The following ELL variants were observed in gnomAD, a reference collection of about 807,000 sequenced individuals.
ELL encodes the protein RNA polymerase II elongation factor ELL.
A neutral mutation model predicts 64.0 loss-of-function variants in ELL; 18 were observed. That is an observed-to-expected ratio of 0.28 (90% confidence interval 0.19 to 0.42). The LOEUF (loss-of-function observed/expected upper bound fraction) is 0.42. ELL is among the 10% of genes least tolerant of loss of function. The pLI, the probability that ELL is intolerant of heterozygous loss-of-function variation, is 1.00. For synonymous variants in ELL, 399 were observed against 376.2 expected, an observed-to-expected ratio of 1.06 and a Z score of -0.70; for missense variants, 797 against 870.4, an observed-to-expected ratio of 0.92 and a Z score of 1.06.
At chr19:18,503,494 A>T (rs1173160262) in intron 1 of ELL, among the ~76,000 whole-genome samples, 1 of 152,182 alleles carries the variant, frequency 6.6e-6, no homozygotes, top group Non-Finnish European at 1.5e-5. Flanking sequence ...TGGAACAGAC[A>T]GAACAGGCTA....
intron 2 of ELL, among the ~76,000 whole-genome samples, chr19:18,466,638 C>G (rs1167707388): frequency 6.6e-6 from 1 of 152,230 alleles, no homozygotes; most frequent in Non-Finnish European, 1.5e-5. Flanking sequence ...TGGTCCCGGC[C>G]AGGCTCAGTG....
intron 1 of ELL, among the ~76,000 whole-genome samples, chr19:18,503,586 C>G (rs1975824748): frequency 6.6e-6 from 1 of 152,198 alleles, no homozygotes; most frequent in Non-Finnish European, 1.5e-5. Context: ...GATGTGGCCC[C>G]AGACACCCAG....
intron 9 of ELL, 77 bp downstream of exon 9, chr19:18,446,671 T>C (rs1370134310): frequency 1.3e-6 from 2 of 1,571,964 alleles, no homozygotes; most frequent in East Asian, 2.3e-5. Context: ...CTACCTCTGA[T>C]AACCTGCAGT....
intron 11 of ELL, 147 bp downstream of exon 11, chr19:18,445,077 G>A (rs1204546690): frequency 2.5e-6 from 3 of 1,210,942 alleles, no homozygotes; most frequent in Non-Finnish European, 2.4e-6. Flanking sequence ...ACTTAGCTGG[G>A]GGTGGTGGGG....
At chr19:18,485,542 G>C (rs528240466) in intron 1 of ELL, among the ~76,000 whole-genome samples, 2 of 152,248 alleles carry the variant, frequency 1.3e-5, no homozygotes, top group South Asian at 4.1e-4. Context: ...GGAGACCAGG[G>C]AGACCAGGGA....
intron 1 of ELL, among the ~76,000 whole-genome samples, chr19:18,514,827 G>A (rs996470601): frequency 6.6e-6 from 1 of 152,200 alleles, no homozygotes; most frequent in African/African-American, 2.4e-5. Flanking sequence ...GCCCTGCCAG[G>A]TGCCTTAAAC....
intron 1 of ELL, among the ~76,000 whole-genome samples, chr19:18,506,388 A>G (rs1975885519): frequency 6.6e-6 from 1 of 152,226 alleles, no homozygotes. Context: ...CCCCAGGGGG[A>G]AAGGGATCCA....
chr19:18,481,970 C>T (rs1026109567), intron 1 of ELL, among the ~76,000 whole-genome samples: 7 of 152,158 alleles, frequency 4.6e-5, no homozygotes, highest in Non-Finnish European at 8.8e-5. Context: ...GTACTGCCGC[C>T]GGCAGCGAAT....
intron 8 of ELL, chr19:18,448,852 C>G (rs1431080982): frequency 1.3e-5 from 2 of 152,208 alleles, no homozygotes; most frequent in Non-Finnish European, 2.9e-5. Flanking sequence ...TTCGGGGCCC[C>G]GGAGAACACC....
intron 1 of ELL, among the ~76,000 whole-genome samples, chr19:18,507,670 C>T (rs1975912125): frequency 2.0e-5 from 3 of 152,246 alleles, no homozygotes; most frequent in Admixed American, 6.5e-5. Context: ...GGCTTCATCC[C>T]TCCTGCTTCT....
intron 2 of ELL, chr19:18,471,296 G>A (rs1975059746): frequency 2.5e-6 from 1 of 399,412 alleles, no homozygotes; most frequent in Non-Finnish European, 5.0e-6. Context: ...GATCCCTTGA[G>A]CCCAAGAGTT....
At chr19:18,491,369 C>T (rs1400662683) in intron 1 of ELL, among the ~76,000 whole-genome samples, 2 of 142,484 alleles carry the variant, frequency 1.4e-5, no homozygotes, top group Admixed American at 7.6e-5. Flanking sequence ...TGCCTCAGCC[C>T]CATAAAATGC....
At chr19:18,519,453 C>A (rs560358201) in intron 1 of ELL, among the ~76,000 whole-genome samples, 1 of 152,318 alleles carries the variant, frequency 6.6e-6, no homozygotes, top group South Asian at 2.1e-4. Flanking sequence ...GAGCACGGAG[C>A]TGCCGTGCCT....
chr19:18,518,072 T>G (rs769619119), intron 1 of ELL, among the ~76,000 whole-genome samples: 3 of 150,804 alleles, frequency 2.0e-5, no homozygotes, highest in South Asian at 2.1e-4. Context: ...AGTACAAAAT[T>G]TGTAGGGCAT....
chr19:18,487,814 C>T (rs1975451454), intron 1 of ELL, among the ~76,000 whole-genome samples: 1 of 152,234 alleles, frequency 6.6e-6, no homozygotes, highest in Non-Finnish European at 1.5e-5. Flanking sequence ...TCTTCTATTA[C>T]CCAGAAAAAC....
chr19:18,488,981 T>C (rs919312758), intron 1 of ELL, among the ~76,000 whole-genome samples: 10 of 152,348 alleles, frequency 6.6e-5, no homozygotes, highest in East Asian at 1.9e-4. Flanking sequence ...CGCGGGTCCC[T>C]GCATCTGCAG....
intron 1 of ELL, among the ~76,000 whole-genome samples, chr19:18,511,829 C>A (rs528067139): frequency 1.3e-5 from 2 of 149,446 alleles, no homozygotes; most frequent in African/African-American, 4.9e-5. Flanking sequence ...GACCAGCCTG[C>A]GCAACACAGT....
chr19:18,445,021 G>A (rs1470543832), intron 11 of ELL, among the ~76,000 whole-genome samples, 153 bp from the exon 12 acceptor site: 1 of 152,180 alleles, frequency 6.6e-6, no homozygotes, highest in East Asian at 1.9e-4. Context: ...TTGGTCCCCC[G>A]CACCTCCACA....
At chr19:18,483,265 G>A (rs1382633783) in intron 1 of ELL, among the ~76,000 whole-genome samples, 1 of 152,150 alleles carries the variant, frequency 6.6e-6, no homozygotes, top group Non-Finnish European at 1.5e-5. Flanking sequence ...GACCACAGAT[G>A]CTCCCTGGAT....
Sources: gnomAD v4.1 joint callset for allele counts (sites outside exome capture counted in the v4.1 genomes callset) on GRCh38, gnomAD v4.1.1 for gene constraint, MANE v1.5 for transcripts, NCBI Gene and HGNC (gene_info 2026-07-23, HGNC 2026-07-21) for gene names.